The following ITPK1 variants were observed in gnomAD, a reference collection of about 807,000 sequenced individuals.
The protein encoded by ITPK1 is inositol-tetrakisphosphate 1-kinase, also known as inositol 1,3,4-trisphosphate 5/6-kinase.
A neutral mutation model predicts 45.3 loss-of-function variants in ITPK1; 21 were observed. The ratio of observed to expected loss-of-function variants is 0.46; its 90% CI spans 0.33 to 0.67. The LOEUF is 0.67. ITPK1 is among the 30% of genes least tolerant of loss of function. The pLI, the probability that ITPK1 is intolerant of heterozygous loss-of-function variation, is 0.02. For missense variants in ITPK1, 474 were observed against 573.5 expected, an observed-to-expected ratio of 0.83 and a Z score of 1.77; for synonymous variants, 258 against 253.6, an observed-to-expected ratio of 1.02 and a Z score of -0.16.
intron 5 of ITPK1, among the ~76,000 whole-genome samples, chr14:92,973,311 T>C (rs1204499689): frequency 1.3e-5 from 2 of 152,170 alleles, no homozygotes; most frequent in Admixed American, 6.5e-5. Flanking sequence ...ATGGATGGGA[T>C]AAGTGAGCCG....
At chr14:93,059,435 C>T (rs1384235950) in intron 3 of ITPK1, among the ~76,000 whole-genome samples, 1 of 45,190 alleles carries the variant, frequency 2.2e-5, no homozygotes, top group African/African-American at 1.1e-4. Context: ...GGTGCTGATC[C>T]CGAGGCAGGG....
intron 2 of ITPK1, among the ~76,000 whole-genome samples, chr14:93,083,005 T>C (rs1029821459): frequency 2.0e-5 from 3 of 152,194 alleles, no homozygotes; most frequent in Non-Finnish European, 4.4e-5. Flanking sequence ...GCAGGGACCC[T>C]GTGAGTGACA....
chr14:92,983,791 G>A (rs553259682), intron 5 of ITPK1, among the ~76,000 whole-genome samples: 53 of 151,750 alleles, frequency 3.5e-4, no homozygotes, highest in Non-Finnish European at 6.5e-4. Flanking sequence ...GAAATATGCA[G>A]GGAGCTGTTT....
chr14:93,065,151 G>C (rs974781086), intron 3 of ITPK1, among the ~76,000 whole-genome samples: 8 of 152,176 alleles, frequency 5.3e-5, no homozygotes, highest in African/African-American at 1.9e-4. Context: ...CAGAGGACAA[G>C]CTGGGACCTC....
At chr14:92,985,867 A>G (rs1886462808) in intron 5 of ITPK1, among the ~76,000 whole-genome samples, 1 of 152,140 alleles carries the variant, frequency 6.6e-6, no homozygotes, top group African/African-American at 2.4e-5. Context: ...ACAACAACCT[A>G]TGAGGAAGGT....
At chr14:93,057,809 C>T (rs1244815110) in intron 3 of ITPK1, among the ~76,000 whole-genome samples, 1 of 152,248 alleles carries the variant, frequency 6.6e-6, no homozygotes, top group Non-Finnish European at 1.5e-5. Flanking sequence ...ACCCACCAGG[C>T]ACCCTCCTGG....
intron 8 of ITPK1, among the ~76,000 whole-genome samples, chr14:92,954,304 G>C (rs1434178518): frequency 6.6e-6 from 1 of 152,216 alleles, no homozygotes; most frequent in East Asian, 1.9e-4. Flanking sequence ...ACAGGGGTCG[G>C]AGGGAGTAGG....
chr14:92,944,169 C>T (rs1183811429), intron 10 of ITPK1, among the ~76,000 whole-genome samples: 1 of 152,200 alleles, frequency 6.6e-6, no homozygotes, highest in East Asian at 1.9e-4. Flanking sequence ...TCCCAGGCCT[C>T]TCCCACCCAC....
At chr14:92,975,961 C>A (rs918386615) in intron 5 of ITPK1, among the ~76,000 whole-genome samples, 2 of 152,218 alleles carry the variant, frequency 1.3e-5, no homozygotes, top group African/African-American at 4.8e-5. Context: ...AGGGGCTCCC[C>A]CCATGCTCCC....
chr14:93,071,430 G>C (rs1890997705), intron 3 of ITPK1: 1 of 152,204 alleles, frequency 6.6e-6, no homozygotes, highest in East Asian at 1.9e-4. Flanking sequence ...TGAAGCAGTG[G>C]ACTTCAAACC....
intron 3 of ITPK1, among the ~76,000 whole-genome samples, chr14:93,065,806 G>C (rs954724049): frequency 3.3e-5 from 5 of 152,224 alleles, no homozygotes; most frequent in African/African-American, 1.2e-4. Flanking sequence ...CTCTGGAGCA[G>C]AGAAATGGTT....
chr14:93,020,495 C>A (rs1336966598), intron 3 of ITPK1, among the ~76,000 whole-genome samples: 1 of 152,214 alleles, frequency 6.6e-6, no homozygotes, highest in Non-Finnish European at 1.5e-5. Context: ...AGTCCCAGAG[C>A]AAAAGTTCAA....
intron 3 of ITPK1, among the ~76,000 whole-genome samples, chr14:93,050,180 G>A (rs1462921826): frequency 6.6e-6 from 1 of 152,208 alleles, no homozygotes; most frequent in African/African-American, 2.4e-5. Context: ...GGAGGACTGG[G>A]TTGCACTCGG....
At position 93,036,618 on chromosome 14, in the gene ITPK1, C is replaced by G. The variant is rs1479502164; in HGVS notation, c.121-19817G>C. On this transcript the variant is annotated intron_variant, in intron 3 of 10. Transcript: ENST00000267615. The surrounding 1 kb of genome is among the most constrained non-coding windows in gnomAD (Gnocchi z 4.1). The stretch of plus-strand genomic sequence containing the variant: ...TGTGGCCCACACCCCTCATGACTCA[C>G]CAGGCTCAGCACCCCAGGGGCCGGG... 6.6e-6 allele frequency among the ~76,000 whole-genome samples: 1 copy of G among 151,954 alleles called. No individual in the cohort carries two copies. Among genetic ancestry groups the G allele is most frequent in the Non-Finnish European group, 1.5e-5 (1 of 67,976 alleles).
chr14:93,006,041 GC>G (rs1294085971), intron 4 of ITPK1, among the ~76,000 whole-genome samples: 1 of 152,308 alleles, frequency 6.6e-6, no homozygotes, highest in Non-Finnish European at 1.5e-5. Context: ...ACTGATGGCT[GC>G]CCCCCAAGAT....
At chr14:92,974,149 T>A (rs2139767964) in intron 5 of ITPK1, among the ~76,000 whole-genome samples, 2 of 152,220 alleles carry the variant, frequency 1.3e-5, no homozygotes, top group Middle Eastern at 6.8e-3. Flanking sequence ...GAGTGACTCA[T>A]CTCTCCCTGA....
chr14:92,946,328 C>T lies in ITPK1; in HGVS notation c.901+3G>A. Reference sequence around the variant, plus strand: ...CAGTGGAGGTGGCCTGGCCGCCACTCACCTGGGAAGGCATTGATGTCAATG... The same window carrying T: ...CAGTGGAGGTGGCCTGGCCGCCACTTACCTGGGAAGGCATTGATGTCAATG... On this transcript the variant is annotated splice_donor_region_variant and intron_variant, in intron 10 of 10. Transcript: ENST00000267615. The T allele has an allele frequency of 1.2e-6, 2 of 1,613,046 alleles. No individual in the cohort carries two copies. Among genetic ancestry groups the T allele is most frequent in the South Asian group, 1.1e-5 (1 of 91,086 alleles).
At chr14:93,094,606 A>G (rs1489108226) in intron 2 of ITPK1, among the ~76,000 whole-genome samples, 3 of 152,042 alleles carry the variant, frequency 2.0e-5, no homozygotes, top group African/African-American at 4.8e-5. Context: ...GGGACACTCA[A>G]TGACCTCCCA....
At chr14:92,959,442 G>A (rs1311584677) in intron 7 of ITPK1, among the ~76,000 whole-genome samples, 1 of 152,238 alleles carries the variant, frequency 6.6e-6, no homozygotes, top group Non-Finnish European at 1.5e-5. Flanking sequence ...GACAGACGTG[G>A]AAATCCAGGC....
Sources: gnomAD v4.1 joint callset for allele counts (sites outside exome capture counted in the v4.1 genomes callset) on GRCh38, gnomAD v4.1.1 for gene constraint, Gnocchi (gnomAD v3.1) non-coding constraint, MANE v1.5 for transcripts, NCBI Gene and HGNC (gene_info 2026-07-23, HGNC 2026-07-21) for gene names.